Variants in NFATC3 observed in about 807,000 individuals in gnomAD.
NFATC3 encodes nuclear factor of activated T-cells, cytoplasmic 3.
In NFATC3, 46 loss-of-function variants were observed where a neutral mutation model predicts 98.6. That is an observed-to-expected ratio of 0.47 (90% CI 0.37 to 0.60). The LOEUF is 0.60. NFATC3 is among the 20% of genes least tolerant of loss of function. The probability of loss-of-function intolerance (pLI) is 0.00; values close to 1 mark genes in which losing one functional copy is unlikely to be tolerated. For missense variants in NFATC3, 1,256 were observed against 1,295.5 expected (o/e 0.97, Z 0.47); for synonymous variants, 512 against 472.2 (o/e 1.08, Z -1.09).
chr16:68,112,198 C>T (rs993029829), intron 1 of NFATC3, among the ~76,000 whole-genome samples: 4 of 150,232 alleles, frequency 2.7e-5, no homozygotes, highest in Non-Finnish European at 4.4e-5. Flanking sequence ...TGGATGATAC[C>T]GTGAAGTATG....
chr16:68,190,037 TC>T (rs1397645342), intron 8 of NFATC3, among the ~76,000 whole-genome samples: 3 of 152,178 alleles, frequency 2.0e-5, no homozygotes, highest in East Asian at 1.9e-4. Flanking sequence ...AGACCCTGTT[TC>T]CCAAAAACAA....
rs1598644218 is a variant in NFATC3, at chr16:68,226,915, A to AAAAAAAAAG, written c.*453_*461dup. The AAAAAAAAAG allele has an allele frequency of 2.5e-5, 3 of 117,806 alleles. No individual in the cohort carries two copies. Among genetic ancestry groups the AAAAAAAAAG allele is most frequent in the African/African-American group, 7.8e-5 (3 of 38,316 alleles). The allele number at this position is 117,806 out of a possible 1,614,324, so 7.3% of individuals were successfully genotyped here. A position where few individuals can be genotyped will look rare whatever the true frequency, so the allele number is the denominator to read the frequency against. ...CTAGAAGCAAAAAAAAAAAAAAAAA[A>AAAAAAAAAG]AAAAAAAAGAAAAAAAAAGAAAAGA... On this transcript the variant is annotated 3_prime_UTR_variant, in exon 10 of 10. Coordinates refer to ENST00000346183, the MANE Select transcript of NFATC3 (RefSeq NM_173165.3).
At chr16:68,101,998 T>A (rs1344827770) in intron 1 of NFATC3, among the ~76,000 whole-genome samples, 1 of 152,160 alleles carries the variant, frequency 6.6e-6, no homozygotes, top group African/African-American at 2.4e-5. Context: ...CATTTGTTTC[T>A]TTGCAACTCA....
chr16:68,156,394 C>T (rs919826900), intron 3 of NFATC3, among the ~76,000 whole-genome samples: 3 of 152,046 alleles, frequency 2.0e-5, no homozygotes, highest in African/African-American at 4.8e-5. Flanking sequence ...AACTGCAAAC[C>T]GATATCCTTC....
chr16:68,138,448 G>T, intron 3 of NFATC3: 1 of 1,193,118 alleles, frequency 8.4e-7, no homozygotes. Flanking sequence ...AATTCTCAGT[G>T]GTTTAAGACC....
intron 1 of NFATC3, among the ~76,000 whole-genome samples, chr16:68,093,124 C>A (rs1220146180): frequency 6.6e-6 from 1 of 152,168 alleles, no homozygotes. Flanking sequence ...AGCTCATCAC[C>A]TTTATTCATC....
intron 1 of NFATC3, 151 bp downstream of exon 1, chr16:68,085,935 T>A: frequency 1.8e-6 from 1 of 562,656 alleles, no homozygotes; most frequent in Non-Finnish European, 2.8e-6. Context: ...AAAACGGATT[T>A]AAATCGCTGA....
Position 68,222,289 on chromosome 16 carries a change from C to CA in NFATC3, c.3107-4024dup, listed in dbSNP as rs58981935. On this transcript the variant is annotated intron_variant, in intron 9 of 9. Coordinates refer to ENST00000346183, the MANE Select transcript of NFATC3 (RefSeq NM_173165.3). ...GGGCAACAGAGTGAGACCCCATTGCCAAAAAAAAAAAAAAAAAAAAAAAAA... is the reference window on the plus strand; with the variant it reads ...GGGCAACAGAGTGAGACCCCATTGCCAAAAAAAAAAAAAAAAAAAAAAAAAA... Among the ~76,000 whole-genome samples the CA allele has an allele frequency of 6.3e-3, 167 of 26,398 alleles. 39 individuals carry two copies. Among genetic ancestry groups the CA allele is most frequent in the East Asian group, 0.025 (9 of 358 alleles). 17.3% of individuals were successfully genotyped at this position (26,398 alleles called of 152,430 possible).
intron 1 of NFATC3, among the ~76,000 whole-genome samples, chr16:68,113,983 A>G (rs932138765): frequency 6.6e-6 from 1 of 152,128 alleles, no homozygotes; most frequent in African/African-American, 2.4e-5. Context: ...TTTCCGTGGG[A>G]ACTTGGTAGT....
In NFATC3 at chr16:68,123,011, C is replaced by G. The variant is rs368486562; in HGVS notation, c.1128C>G (p.Gly376=). The part of the protein sequence containing the change: ...SPARETSIDD[G]LGSQYPLKKD... ...CCCGGGAGACTTCAATAGATGATGG[C>G]CTTGGATCTCAGTATCCTTTAAAGA... is the stretch of plus-strand genomic sequence containing the variant. The change falls in exon 2 of 10, where the codon GGC becomes GGG. Residue 376 remains glycine (G), a synonymous_variant. Transcript: ENST00000346183. 2.5e-6 allele frequency: 4 copies of G among 1,613,854 alleles called. No homozygotes were observed. The highest frequency in any genetic ancestry group is 3.4e-6 in the Non-Finnish European group (4 of 1,180,042).
At chr16:68,177,305 C>A (rs2039763521) in intron 6 of NFATC3, among the ~76,000 whole-genome samples, 1 of 152,082 alleles carries the variant, frequency 6.6e-6, no homozygotes, top group Non-Finnish European at 1.5e-5. Flanking sequence ...CCCGTCTTGG[C>A]CTCCCAAAGT....
chr16:68,138,900 T>C, intron 3 of NFATC3: 1 of 688,978 alleles, frequency 1.5e-6, no homozygotes, highest in Non-Finnish European at 2.0e-6. Context: ...TGGATTTTAC[T>C]GTATCCTTGA....
At chr16:68,123,187 C>A in intron 2 of NFATC3, 66 bp downstream of exon 2, 1 of 1,483,320 alleles carries the variant, frequency 6.7e-7, no homozygotes, top group Non-Finnish European at 9.0e-7. Context: ...CATATAACTA[C>A]ATTATCAGTA....
intron 8 of NFATC3, among the ~76,000 whole-genome samples, chr16:68,190,216 A>G (rs2040377809): frequency 6.6e-6 from 1 of 152,220 alleles, no homozygotes; most frequent in African/African-American, 2.4e-5. Flanking sequence ...ATGATGGCAG[A>G]GGATCAAGTG....
chr16:68,127,984 T>C (rs1288404188), intron 3 of NFATC3, among the ~76,000 whole-genome samples: 1 of 152,176 alleles, frequency 6.6e-6, no homozygotes, highest in Non-Finnish European at 1.5e-5. Context: ...ACTACTACTT[T>C]TTTATTTCAT....
chr16:68,128,912 G>T (rs1219549551), intron 3 of NFATC3, among the ~76,000 whole-genome samples: 1 of 152,020 alleles, frequency 6.6e-6, no homozygotes, highest in Non-Finnish European at 1.5e-5. Flanking sequence ...TTGAGGCCAG[G>T]AGTTTGAGAC....
chr16:68,113,864 C>G (rs187215676), intron 1 of NFATC3, among the ~76,000 whole-genome samples: 5 of 152,258 alleles, frequency 3.3e-5, no homozygotes, highest in Non-Finnish European at 5.9e-5. Flanking sequence ...GATCTGCCAC[C>G]GCCACTGTGT....
rs530090473 is a variant in NFATC3 at position 68,142,078 on chromosome 16, A to C, written c.1401+15468A>C. On this transcript the variant is annotated intron_variant, in intron 3 of 9. Coordinates refer to ENST00000346183, the MANE Select transcript of NFATC3 (RefSeq NM_173165.3). ...GAATAGGGTATCCTTTTTTCAATTT[A>C]TGTTTTTGTATGCTTTGTCAAAGAT... is the stretch of plus-strand genomic sequence containing the variant. Among the ~76,000 whole-genome samples the C allele has an allele frequency of 4.6e-5, 7 of 151,820 alleles. No homozygotes were observed. In the East Asian group the frequency reaches 1.2e-3, roughly 25 times the overall value.
Position 68,228,334 on chromosome 16 carries a change from C to A in NFATC3, c.*1863C>A, listed in dbSNP as rs578020997. The A allele has an allele frequency of 1.3e-5, 2 of 152,226 alleles. No homozygotes were observed. Among genetic ancestry groups the A allele is most frequent in the East Asian group, 3.9e-4 (2 of 5,176 alleles). 9.4% of individuals were successfully genotyped at this position (152,226 alleles called of 1,614,324 possible). ...ACGCCCACAGCTTCCTTTGGAGGGG[C>A]AAGAAGTTGGCCTCTCGGTTGACAT... On this transcript the variant is annotated 3_prime_UTR_variant, in exon 10 of 10. Transcript: ENST00000346183.
Sources: gnomAD v4.1 joint callset for allele counts (sites outside exome capture counted in the v4.1 genomes callset) on GRCh38, gnomAD v4.1.1 for gene constraint, MANE v1.5 for transcripts, NCBI Gene and HGNC (gene_info 2026-07-23, HGNC 2026-07-21) for gene names.